The following IDUA variants were observed in gnomAD, a reference collection of about 807,000 sequenced individuals.
IDUA encodes iduronidase alpha-L-.
Under a neutral mutation model 68.9 loss-of-function variants are expected in IDUA, and 65 were observed. The observed-to-expected ratio is 0.94, with a 90% CI of 0.77 to 1.16. The LOEUF is 1.16. Among genes scored for constraint, IDUA ranks in the 50% most tolerant of loss-of-function variants. The pLI is 0.00. For synonymous variants in IDUA, 529 were observed against 433.6 expected, an observed-to-expected ratio of 1.22 and a Z score of -2.73; for missense variants, 1,046 against 938.0, an observed-to-expected ratio of 1.12 and a Z score of -1.50.
At chr4:990,150 G>C (rs972423931) in intron 2 of IDUA, 4 of 1,564,954 alleles carry the variant, frequency 2.6e-6, no homozygotes, top group Non-Finnish European at 3.5e-6. Context: ...TGGTGACCAC[G>C]TCGCACACGT....
chr4:991,104 C>T (rs1184593961), intron 2 of IDUA: 1 of 1,519,696 alleles, frequency 6.6e-7, no homozygotes, highest in Non-Finnish European at 8.8e-7. Flanking sequence ...GGGCCCCTCC[C>T]TGTGCCCAAG....
At chr4:989,208 G>A (rs113951266) in intron 2 of IDUA, 68 of 1,609,346 alleles carry the variant, frequency 4.2e-5, no homozygotes, top group Middle Eastern at 1.6e-4. Context: ...CCGTCTCTGA[G>A]CCCCCCTCCT....
chr4:988,996 C>T, intron 2 of IDUA: 1 of 1,591,878 alleles, frequency 6.3e-7, no homozygotes, highest in Non-Finnish European at 8.5e-7. Flanking sequence ...CGGGCTGCAG[C>T]AGGCTAGCAG....
chr4:988,914 C>T lies in IDUA; in HGVS notation c.299+965C>T, dbSNP rs1713966638. The T allele has an allele frequency of 1.9e-6, 3 of 1,604,590 alleles. No individual in the cohort carries two copies. The highest frequency in any genetic ancestry group is 2.5e-6 in the Non-Finnish European group (3 of 1,176,550). The stretch of plus-strand genomic sequence containing the variant: ...CGGCATCGTGCACACTGAGGAACAG[C>T]TGCTCCTCCTCAGCCGTGTCCCCGG... On this transcript the variant is annotated intron_variant, in intron 2 of 13. Transcript: ENST00000514224.
intron 5 of IDUA, 51 bp from the exon 6 acceptor site, chr4:1,001,628 T>C (rs1560546761): frequency 1.9e-6 from 3 of 1,608,384 alleles, no homozygotes; most frequent in Non-Finnish European, 1.7e-6. Context: ...GAGCAGAGGC[T>C]AAGCCGCTCA....
chr4:997,885 C>G, intron 2 of IDUA, among the ~76,000 whole-genome samples: 1 of 152,184 alleles, frequency 6.6e-6, no homozygotes, highest in East Asian at 1.9e-4. Flanking sequence ...GGTGTCAGGC[C>G]AGGGACATCT....
At chr4:998,978 G>A (rs1714907568) in intron 2 of IDUA, among the ~76,000 whole-genome samples, 1 of 152,206 alleles carries the variant, frequency 6.6e-6, no homozygotes, top group African/African-American at 2.4e-5. Context: ...GCCAAGGTGG[G>A]CGGATCACGA....
rs771388855 is a variant in IDUA, at chr4:988,944, C to T, written c.299+995C>T. On this transcript the variant is annotated intron_variant, in intron 2 of 13. Coordinates refer to ENST00000514224, the MANE Select transcript of IDUA (RefSeq NM_000203.5). Reference sequence around the variant, plus strand: ...CCTCCTCAGCCGTGTCCCCGGGGCCCTCCCCGAGGAAGCCTCCTCTGCTCA... The same window carrying T: ...CCTCCTCAGCCGTGTCCCCGGGGCCTTCCCCGAGGAAGCCTCCTCTGCTCA... 1.3e-5 allele frequency: 21 copies of T among 1,597,306 alleles called. No homozygotes were observed. In the Admixed American group the frequency reaches 3.5e-4, roughly 26 times the overall value.
rs140294059 is a variant in IDUA, at chr4:1,001,702, T to A, written c.613T>A (p.Cys205Ser). ...AGGCTTCCTGAACTACTACGATGCCTGCTCGGAGGGTCTGCGCGCCGCCAG... is the reference window on the plus strand; with the variant it reads ...AGGCTTCCTGAACTACTACGATGCCAGCTCGGAGGGTCTGCGCGCCGCCAG... The part of the protein sequence containing the change: ...MQGFLNYYDA[C>S]SEGLRAASPA... Residue 205 changes from cysteine (C) to serine (S), a missense_variant, in exon 6 of 14, where the codon TGC becomes AGC. Transcript: ENST00000514224. The A allele has an allele frequency of 6.2e-6, 10 of 1,600,148 alleles. No homozygotes were observed. In the African/African-American group the frequency reaches 1.3e-4, roughly 21 times the overall value.
Position 1,000,994 on chromosome 4 carries a change from G to A in IDUA, c.493+5G>A. On this transcript the variant is annotated splice_donor_5th_base_variant and intron_variant, in intron 4 of 13. Transcript: ENST00000514224. ...GCCTGGCCAGGAGATACATCGGTGG[G>A]CGAGCGCAGGCCCTGGGGCCCTGGC... 6.2e-7 allele frequency: 1 copy of A among 1,601,804 alleles called. No individual in the cohort carries two copies. The highest frequency in any genetic ancestry group is 8.5e-7 in the Non-Finnish European group (1 of 1,169,772).
rs781136336 is a variant in IDUA, at chr4:1,003,397, T to G, written c.1577T>G (p.Leu526Arg). 1 of 1,522,386 alleles carries G rather than the reference T, an allele frequency of 6.6e-7. No individual in the cohort carries two copies. The highest frequency in any genetic ancestry group is 8.8e-7 in the Non-Finnish European group (1 of 1,141,962). The allele number at this position is 1,522,386 out of a possible 1,614,324, so 94.3% of individuals were successfully genotyped here. A position where few individuals can be genotyped will look rare whatever the true frequency, so the allele number is the denominator to read the frequency against. The change falls in exon 11 of 14, where the codon CTG becomes CGG. Residue 526 changes from leucine (L) to arginine (R), a missense_variant. Coordinates refer to ENST00000514224, the MANE Select transcript of IDUA (RefSeq NM_000203.5). ...RPLPAGGRLT[L>R]RPALRLPSLL... ...TTACCCGCCGGCGGCCGCCTGACCC[T>G]GCGCCCCGCGCTGCGGCTGCCGTCG... is the stretch of plus-strand genomic sequence containing the variant.
chr4:991,812 T>G (rs1220961094), intron 2 of IDUA: 2 of 1,532,704 alleles, frequency 1.3e-6, no homozygotes, highest in South Asian at 2.4e-5. Flanking sequence ...AACGGGCCCC[T>G]TGGGGCGGAC....
chr4:991,201 A>G (rs1377089692), intron 2 of IDUA: 3 of 1,603,166 alleles, frequency 1.9e-6, no homozygotes, highest in Non-Finnish European at 2.6e-6. Context: ...GCAGTCCAGC[A>G]TGGCAGCCGA....
intron 12 of IDUA, 175 bp from the exon 13 acceptor site, chr4:1,003,837 G>A (rs1715277998): frequency 1.3e-6 from 1 of 788,460 alleles, no homozygotes; most frequent in Non-Finnish European, 2.2e-6. Flanking sequence ...ACATGAGATG[G>A]ACATTCGGGC....
intron 2 of IDUA, among the ~76,000 whole-genome samples, chr4:995,981 G>A (rs1316468797): frequency 6.6e-6 from 1 of 152,092 alleles, no homozygotes; most frequent in Non-Finnish European, 1.5e-5. Flanking sequence ...AACGCTCTGG[G>A]GTCTCGTACC....
rs373861020 is a variant in IDUA at position 1,004,181 on chromosome 4, G to A, written c.1828+69G>A. 6.9e-5 allele frequency: 111 copies of A among 1,611,484 alleles called. No homozygotes were observed. In the East Asian group the frequency reaches 2.3e-3, roughly 33 times the overall value. On this transcript the variant is annotated intron_variant, in intron 13 of 13. Transcript: ENST00000514224. The surrounding 1 kb of genome is among the most constrained non-coding windows in gnomAD (Gnocchi z 5.0). ...TGGGCCTCAGGGCAGTACTGGGTGG[G>A]GGCCTCGAGAAGCCTGGGGTCAGGG...
intron 2 of IDUA, chr4:991,088 T>G (rs765774881): frequency 2.7e-6 from 4 of 1,495,308 alleles, no homozygotes; most frequent in Non-Finnish European, 3.6e-6. Flanking sequence ...TAAGGGGGGG[T>G]GCCCTGGGCC....
In IDUA at chr4:1,003,617, G is replaced by A. The variant is rs750407993; in HGVS notation, c.1719G>A (p.Val573=). ...TTCTGGTCTGGTCGGATGAACACGTGGGCTCCAAGTGCGTGAGTGGGGCCG... is the reference window on the plus strand; with the variant it reads ...TTCTGGTCTGGTCGGATGAACACGTAGGCTCCAAGTGCGTGAGTGGGGCCG... ...QLVLVWSDEH[V]GSKCLWTYEI... is the part of the protein sequence containing the mutation. The change falls in exon 12 of 14, where the codon GTG becomes GTA. Residue 573 remains valine, a synonymous_variant. Coordinates refer to ENST00000514224, the MANE Select transcript of IDUA (RefSeq NM_000203.5). 3.1e-6 allele frequency: 5 copies of A among 1,612,408 alleles called. No individual in the cohort carries two copies. The highest frequency in any genetic ancestry group is 4.5e-5 in the East Asian group (2 of 44,848).
chr4:1,004,460 C>T lies in IDUA; in HGVS notation c.*67C>T. 1 of 1,511,436 alleles carries T rather than the reference C, an allele frequency of 6.6e-7. No homozygotes were observed. The highest frequency in any genetic ancestry group is 1.1e-5 in the South Asian group (1 of 88,668). 93.6% of individuals were successfully genotyped at this position (1,511,436 alleles called of 1,614,324 possible). A position where few individuals can be genotyped will look rare whatever the true frequency, so the allele number is the denominator to read the frequency against. ...CAGCGAGCTGGGGCTGCACTGTGCC[C>T]ATGCTGCCCTCCCATCACCCCCTTT... On this transcript the variant is annotated 3_prime_UTR_variant, in exon 14 of 14. Coordinates refer to ENST00000514224, the MANE Select transcript of IDUA (RefSeq NM_000203.5). The surrounding 1 kb of genome is among the most constrained non-coding windows in gnomAD (Gnocchi z 5.0).
Sources: gnomAD v4.1 joint callset for allele counts (sites outside exome capture counted in the v4.1 genomes callset) on GRCh38, gnomAD v4.1.1 for gene constraint, Gnocchi (gnomAD v3.1) non-coding constraint, MANE v1.5 for transcripts, NCBI Gene and HGNC (gene_info 2026-07-23, HGNC 2026-07-21) for gene names.